Variants in ZNF366 observed in about 807,000 individuals in gnomAD.
ZNF366 encodes zinc finger protein 366, also known as dendritic cell-specific transcript protein.
ZNF366 carries 20 observed loss-of-function variants against 47.2 expected under a neutral mutation model. That is an observed-to-expected ratio of 0.42 (90% CI 0.30 to 0.62). The LOEUF is 0.62. Ranked by LOEUF, ZNF366 falls within the 20% of genes least tolerant of loss-of-function variation. The probability of loss-of-function intolerance (pLI) is 0.16; values close to 1 mark genes in which losing one functional copy is unlikely to be tolerated. For missense variants in ZNF366, 987 were observed against 976.3 expected, an observed-to-expected ratio of 1.01 and a Z score of -0.15; for synonymous variants, 421 against 395.1, an observed-to-expected ratio of 1.07 and a Z score of -0.78.
chr5:72,468,036 T>G (rs1333009419), intron 1 of ZNF366, among the ~76,000 whole-genome samples: 2 of 152,198 alleles, frequency 1.3e-5, no homozygotes, highest in Admixed American at 1.3e-4. Context: ...AGAGGGATTT[T>G]TAAGTCTTAA....
At chr5:72,498,430 TAC>T (rs1450348363) in intron 1 of ZNF366, among the ~76,000 whole-genome samples, 4 of 152,200 alleles carry the variant, frequency 2.6e-5, no homozygotes, top group Non-Finnish European at 5.9e-5. Flanking sequence ...CATGTGTCAG[TAC>T]ACACACTCAA....
chr5:72,491,765 G>A (rs1429733569), intron 1 of ZNF366, among the ~76,000 whole-genome samples: 1 of 152,176 alleles, frequency 6.6e-6, no homozygotes, highest in African/African-American at 2.4e-5. Flanking sequence ...GACAAGATTA[G>A]GGCTGGGGAT....
In ZNF366 at chr5:72,484,400, C is replaced by T. The variant is rs919013725; in HGVS notation, c.-15+22851G>A. 2.0e-5 allele frequency among the ~76,000 whole-genome samples: 3 copies of T among 148,366 alleles called. 1 individual carries two copies. Among genetic ancestry groups the T allele is most frequent in the South Asian group, 4.3e-4 (2 of 4,678 alleles). On this transcript the variant is annotated intron_variant, in intron 1 of 4. Coordinates refer to ENST00000318442, the MANE Select transcript of ZNF366 (RefSeq NM_152625.3). Reference sequence around the variant, plus strand: ...TCGGGAGGCTGAGGCAGGAGAATGGCGTGAACCCGGGAGGCGGAGCTTGCA... The same window carrying T: ...TCGGGAGGCTGAGGCAGGAGAATGGTGTGAACCCGGGAGGCGGAGCTTGCA...
intron 3 of ZNF366, among the ~76,000 whole-genome samples, chr5:72,449,258 T>TC (rs1243070286): frequency 4.6e-5 from 7 of 151,896 alleles, no homozygotes; most frequent in African/African-American, 1.7e-4. Context: ...GTTTTTTTTT[T>TC]TTTTTGAGAT....
intron 1 of ZNF366, among the ~76,000 whole-genome samples, chr5:72,485,020 A>C (rs1743865966): frequency 6.6e-6 from 1 of 152,242 alleles, no homozygotes; most frequent in Non-Finnish European, 1.5e-5. Flanking sequence ...ATCATTAGCC[A>C]CGTGTGGCTT....
chr5:72,445,007 G>A lies in ZNF366; in HGVS notation c.1700-716C>T, dbSNP rs74926846. Reference sequence around the variant, plus strand: ...CCATTTTCATCTTGAACAAAACAAAGAGAACCTATTTGGGGCAGCAGACAC... The same window carrying A: ...CCATTTTCATCTTGAACAAAACAAAAAGAACCTATTTGGGGCAGCAGACAC... On this transcript the variant is annotated intron_variant, in intron 4 of 4. Coordinates refer to ENST00000318442, the MANE Select transcript of ZNF366 (RefSeq NM_152625.3). 4.1e-4 allele frequency among the ~76,000 whole-genome samples: 62 copies of A among 152,248 alleles called. No individual in the cohort carries two copies. The East Asian group carries it at 0.011, about 26-fold the overall frequency.
At chr5:72,502,911 G>A (rs1047119410) in intron 1 of ZNF366, among the ~76,000 whole-genome samples, 9 of 152,148 alleles carry the variant, frequency 5.9e-5, no homozygotes, top group Admixed American at 3.3e-4. Context: ...ATCACTTGAG[G>A]TCAGGAGTTC....
In ZNF366 at chr5:72,460,481, C is replaced by T; in HGVS notation, c.1016G>A (p.Cys339Tyr). The T allele has an allele frequency of 1.2e-6, 2 of 1,613,940 alleles. No individual in the cohort carries two copies. Among genetic ancestry groups the T allele is most frequent in the Non-Finnish European group, 1.7e-6 (2 of 1,179,964 alleles). The change falls in exon 2 of 5, where the codon TGC (cysteine) becomes TAC (tyrosine). Residue 339 changes from cysteine to tyrosine, a missense_variant. Cys to Tyr is a radical substitution (Grantham distance 194). This residue lies in a region of ZNF366 where 591 missense variants were observed against 560.9 expected (regional missense o/e 1.05). Transcript: ENST00000318442. ...MQHSEVKPHN[C>Y]RVCGRGFAYP... ...GGCAAAGCCGCGGCCGCACACGCGG[C>T]AGTTGTGCGGCTTCACCTCGCTGTG...
At chr5:72,487,769 A>G (rs1743920223) in intron 1 of ZNF366, among the ~76,000 whole-genome samples, 2 of 152,228 alleles carry the variant, frequency 1.3e-5, no homozygotes, top group Admixed American at 6.5e-5. Context: ...TGGCCTATGT[A>G]GTAGTGGACA....
intron 1 of ZNF366, among the ~76,000 whole-genome samples, chr5:72,486,891 C>G (rs1173574450): frequency 6.6e-6 from 1 of 152,068 alleles, no homozygotes; most frequent in Admixed American, 6.5e-5. Context: ...GATTTTCCTG[C>G]CTCAGCCTCT....
intron 1 of ZNF366, among the ~76,000 whole-genome samples, chr5:72,481,897 G>A (rs529324695): frequency 2.0e-5 from 3 of 152,160 alleles, no homozygotes; most frequent in Non-Finnish European, 2.9e-5. Flanking sequence ...AGAATGTTTA[G>A]TGCATGGGAA....
Position 72,462,544 on chromosome 5 carries a change from TTTC to T in ZNF366, c.-14-1037_-14-1035del, listed in dbSNP as rs1453896450. On this transcript the variant is annotated intron_variant, in intron 1 of 4. Transcript: ENST00000318442. Reference sequence around the variant, plus strand: ...CTTTCTTTCTTTCTTTCTTTCTTTCTTTCTTTTTTTTTTTTTTTGGAGATGGAG... The same window carrying T: ...CTTTCTTTCTTTCTTTCTTTCTTTCTTTTTTTTTTTTTTTTGGAGATGGAG... 6.6e-4 allele frequency among the ~76,000 whole-genome samples: 56 copies of T among 84,352 alleles called. 1 individual carries two copies. Among genetic ancestry groups the T allele is most frequent in the African/African-American group, 2.7e-3 (42 of 15,312 alleles). The allele number at this position is 84,352 out of a possible 152,430, so 55.3% of individuals were successfully genotyped here. A position where few individuals can be genotyped will look rare whatever the true frequency, so the allele number is the denominator to read the frequency against.
intron 1 of ZNF366, among the ~76,000 whole-genome samples, chr5:72,473,055 T>C (rs1000910401): frequency 7.2e-5 from 11 of 152,228 alleles, no homozygotes; most frequent in African/African-American, 2.7e-4. Flanking sequence ...TAAACCTTTC[T>C]GCGTTGTCAC....
At chr5:72,470,524 G>A (rs965624261) in intron 1 of ZNF366, among the ~76,000 whole-genome samples, 1 of 152,182 alleles carries the variant, frequency 6.6e-6, no homozygotes, top group Non-Finnish European at 1.5e-5. Context: ...GCAGGGTCCT[G>A]TGCTGCCAGT....
intron 3 of ZNF366, among the ~76,000 whole-genome samples, chr5:72,455,661 G>C (rs1743169191): frequency 6.6e-6 from 1 of 152,138 alleles, no homozygotes; most frequent in Admixed American, 6.5e-5. Context: ...TCAGCGCCTT[G>C]GGTTTTACAA....
chr5:72,445,197 A>G (rs530244738), intron 4 of ZNF366, among the ~76,000 whole-genome samples: 7 of 152,264 alleles, frequency 4.6e-5, no homozygotes, highest in African/African-American at 1.7e-4. Flanking sequence ...TTCAGTTTGC[A>G]GGGCTGTAGG....
At chr5:72,501,046 A>G (rs1433358537) in intron 1 of ZNF366, among the ~76,000 whole-genome samples, 1 of 152,234 alleles carries the variant, frequency 6.6e-6, no homozygotes, top group Non-Finnish European at 1.5e-5. Flanking sequence ...TATCTGTTAA[A>G]CAAGGTGGTT....
intron 1 of ZNF366, among the ~76,000 whole-genome samples, chr5:72,495,937 T>C (rs1744103817): frequency 6.6e-6 from 1 of 152,194 alleles, no homozygotes; most frequent in Admixed American, 6.6e-5. Context: ...TTAGCCAGTC[T>C]ATTGTATCTT....
At chr5:72,461,801 T>C (rs903532938) in intron 1 of ZNF366, among the ~76,000 whole-genome samples, 1 of 152,058 alleles carries the variant, frequency 6.6e-6, no homozygotes, top group Non-Finnish European at 1.5e-5. Context: ...GCAAGGGAAG[T>C]GGACTAGTTT....
Sources: allele counts gnomAD v4.1 joint callset (sites outside exome capture counted in the v4.1 genomes callset), GRCh38; gene constraint gnomAD v4.1.1; regional missense constraint gnomAD v4.1.1; transcripts MANE v1.5; gene names NCBI Gene and HGNC (gene_info 2026-07-23, HGNC 2026-07-21).